ERCC2: variants seen among roughly 807,000 people sequenced by gnomAD.
ERCC2 encodes the protein ERCC excision repair 2, TFIIH core complex helicase subunit, also known as general transcription and DNA repair factor IIH helicase subunit XPD.
ERCC2 carries 90 observed loss-of-function variants against 99.4 expected under a neutral mutation model. That is an observed-to-expected ratio of 0.91 (90% CI 0.76 to 1.08). The LOEUF (loss-of-function observed/expected upper bound fraction) is 1.08, where lower values mean the gene tolerates loss of function less well. ERCC2 is among the 50% of genes least tolerant of loss of function. The probability of loss-of-function intolerance (pLI) is 0.00; values close to 1 mark genes in which losing one functional copy is unlikely to be tolerated. For synonymous variants in ERCC2, 497 were observed against 432.4 expected (o/e 1.15, Z -1.85); for missense variants, 993 against 1,038.1 (o/e 0.96, Z 0.60).
Position 45,364,335 on chromosome 19 carries a change from G to C in ERCC2, c.719-4C>G. ...ATGGAGTCGATGCAGACGTTGTCTG[G>C]AGAAGGGGGAGAGAGCCGGCTCAGG... On this transcript the variant is annotated splice_polypyrimidine_tract_variant and splice_region_variant and intron_variant, in intron 8 of 22. Coordinates refer to ENST00000391945, the MANE Select transcript of ERCC2 (RefSeq NM_000400.4). 3 of 1,613,982 alleles carry C rather than the reference G, an allele frequency of 1.9e-6. No homozygotes were observed. The highest frequency in any genetic ancestry group is 2.5e-6 in the Non-Finnish European group (3 of 1,180,000).
chr19:45,350,163 T>C lies in ERCC2; in HGVS notation c.*1466A>G, dbSNP rs926353079. On this transcript the variant is annotated 3_prime_UTR_variant, in exon 23 of 23. Coordinates refer to ENST00000391945, the MANE Select transcript of ERCC2 (RefSeq NM_000400.4). ...GGGGCCAGACGTGGTGGTTCACGCT[T>C]GTAACCCCAACACTTTGGGAGGCCA... 3 of 605,472 alleles carry C rather than the reference T, an allele frequency of 5.0e-6. No individual in the cohort carries two copies. Among genetic ancestry groups the C allele is most frequent in the Non-Finnish European group, 8.7e-6 (3 of 343,960 alleles). 37.5% of individuals were successfully genotyped at this position (605,472 alleles called of 1,614,324 possible). A position where few individuals can be genotyped will look rare whatever the true frequency, so the allele number is the denominator to read the frequency against.
chr19:45,353,456 T>G (rs1021790063), intron 17 of ERCC2, 122 bp from the exon 18 acceptor site: 2 of 717,114 alleles, frequency 2.8e-6, no homozygotes, highest in South Asian at 1.5e-5. Flanking sequence ...ATCTGAGATG[T>G]GGTGAGGGAG....
intron 11 of ERCC2, among the ~76,000 whole-genome samples, chr19:45,362,681 C>G (rs963360650): frequency 1.3e-5 from 2 of 152,246 alleles, no homozygotes; most frequent in African/African-American, 4.8e-5. Context: ...ACGGCTGTGT[C>G]CCCAGCATGA....
Position 45,350,694 on chromosome 19 carries a change from A to G in ERCC2, c.*935T>C, listed in dbSNP as rs1005305271. ...AGATCCGTGAGTCTATCAGGCGAGG[A>G]AGTGAGAAGCTGGTCTCCCGGCTCC... On this transcript the variant is annotated 3_prime_UTR_variant, in exon 23 of 23. Coordinates refer to ENST00000391945, the MANE Select transcript of ERCC2 (RefSeq NM_000400.4). 1 of 1,613,520 alleles carries G rather than the reference A, an allele frequency of 6.2e-7. No individual in the cohort carries two copies. Among genetic ancestry groups the G allele is most frequent in the African/African-American group, 1.3e-5 (1 of 74,892 alleles).
At position 45,352,198 on chromosome 19, in the gene ERCC2, G is replaced by A. The variant is rs374737560; in HGVS notation, c.2190+11C>T. ...CCTGGGAGGGTGCCGGGAGGGGGAC[G>A]CAGGCCTCACCCGGTGGAAGGGCTG... is the stretch of plus-strand genomic sequence containing the variant. On this transcript the variant is annotated intron_variant, in intron 22 of 22. Transcript: ENST00000391945. 88 of 1,613,014 alleles carry A rather than the reference G, an allele frequency of 5.5e-5. No individual in the cohort carries two copies. The highest frequency in any genetic ancestry group is 3.9e-4 in the African/African-American group (29 of 74,912).
In ERCC2 at chr19:45,357,349, T is replaced by C; in HGVS notation, c.1400A>G (p.Tyr467Cys). ...TSGTLSPLDI[Y>C]PKILDFHPVT... is the part of the protein sequence containing the mutation. Reference sequence around the variant, plus strand: ...GGGGTGGAAGTCCAGGATCTTGGGGTAGATGTCCAGCGGGGACAGTGTCTG... The same window carrying C: ...GGGGTGGAAGTCCAGGATCTTGGGGCAGATGTCCAGCGGGGACAGTGTCTG... Residue 467 changes from tyrosine (Y) to cysteine (C), a missense_variant, in exon 15 of 23, where the codon TAC becomes TGC. Physicochemically the swap from Tyr to Cys is radical, Grantham distance 194. Coordinates refer to ENST00000391945, the MANE Select transcript of ERCC2 (RefSeq NM_000400.4). 5 of 1,613,702 alleles carry C rather than the reference T, an allele frequency of 3.1e-6. No homozygotes were observed. Among genetic ancestry groups the C allele is most frequent in the Non-Finnish European group, 4.2e-6 (5 of 1,179,864 alleles).
In ERCC2 at chr19:45,351,503, T is replaced by G. The variant is rs541274511; in HGVS notation, c.*126A>C. 1.9e-6 allele frequency: 3 copies of G among 1,596,368 alleles called. No individual in the cohort carries two copies. Among genetic ancestry groups the G allele is most frequent in the East Asian group, 4.5e-5 (2 of 44,760 alleles). ...GCTGCCTTCTCCTGCGATTAAAGGC[T>G]GTGGACGTGACAGTGAGAAATGTCA... On this transcript the variant is annotated 3_prime_UTR_variant, in exon 23 of 23. Coordinates refer to ENST00000391945, the MANE Select transcript of ERCC2 (RefSeq NM_000400.4).
chr19:45,369,203 A>G, intron 2 of ERCC2, 56 bp from the exon 3 acceptor site: 1 of 1,461,882 alleles, frequency 6.8e-7, no homozygotes, highest in Non-Finnish European at 9.6e-7. Flanking sequence ...TTGGGCACAC[A>G]AACTCTGGGG....
intron 1 of ERCC2, 60 bp from the exon 2 acceptor site, chr19:45,370,292 G>C (rs1401866594): frequency 6.3e-7 from 1 of 1,589,776 alleles, no homozygotes; most frequent in Non-Finnish European, 8.6e-7. Context: ...CGCCTCCACA[G>C]TGCCCGGTCG....
rs757432268 is a variant in ERCC2 at position 45,355,718 on chromosome 19, C to G, written c.1490G>C (p.Arg497Pro). The change falls in exon 16 of 23, where the codon CGT becomes CCT. Residue 497 changes from arginine to proline, a missense_variant. Around this residue, in one of 3 missense-constraint regions of ERCC2, gnomAD observed 909 missense variants for 930.8 expected, o/e 0.98. Transcript: ENST00000391945. ...RVCLCPMIIGRGNDQVAISSK... is the reference protein window; with the variant it reads ...RVCLCPMIIGPGNDQVAISSK... ...GCTGATGGCCACCTGGTCATTGCCA[C>G]GGCCGATGATCTGGAGAGCAACAGA... is the stretch of plus-strand genomic sequence containing the variant. 4 of 1,614,024 alleles carry G rather than the reference C, an allele frequency of 2.5e-6. No homozygotes were observed. The highest frequency in any genetic ancestry group is 2.2e-5 in the East Asian group (1 of 44,872).
intron 15 of ERCC2, among the ~76,000 whole-genome samples, chr19:45,356,296 G>A (rs1555776450): frequency 6.6e-6 from 1 of 152,188 alleles, no homozygotes; most frequent in Non-Finnish European, 1.5e-5. Flanking sequence ...CAAAAGCTCT[G>A]AACACATTTC....
In ERCC2 at chr19:45,364,410, G is replaced by A. The variant is rs1473346538; in HGVS notation, c.718+14C>T. ...AGGGGCTGGCATCCCTTTGGCCCCT[G>A]GCGCCCCCCTCACCAATGTTGTGGG... On this transcript the variant is annotated intron_variant, in intron 8 of 22. Coordinates refer to ENST00000391945, the MANE Select transcript of ERCC2 (RefSeq NM_000400.4). 3.1e-6 allele frequency: 5 copies of A among 1,613,856 alleles called. No homozygotes were observed. The highest frequency in any genetic ancestry group is 4.2e-6 in the Non-Finnish European group (5 of 1,179,960).
chr19:45,352,102 G>A (rs995277582), intron 22 of ERCC2, 107 bp downstream of exon 22: 16 of 1,281,468 alleles, frequency 1.2e-5, no homozygotes, highest in African/African-American at 5.8e-5. Context: ...TTTGCTGAGG[G>A]CAGGAGGACA....
Position 45,364,416 on chromosome 19 carries a change from C to T in ERCC2, c.718+8G>A, listed in dbSNP as rs543196752. The stretch of plus-strand genomic sequence containing the variant: ...TGGCATCCCTTTGGCCCCTGGCGCC[C>T]CCCTCACCAATGTTGTGGGCCTCGT... On this transcript the variant is annotated splice_region_variant and intron_variant, in intron 8 of 22. Coordinates refer to ENST00000391945, the MANE Select transcript of ERCC2 (RefSeq NM_000400.4). The T allele has an allele frequency of 4.3e-6, 7 of 1,613,872 alleles. No individual in the cohort carries two copies. In the African/African-American group the frequency reaches 6.7e-5, roughly 15 times the overall value.
chr19:45,365,385 G>A (rs1018095438), intron 5 of ERCC2, among the ~76,000 whole-genome samples: 6 of 152,238 alleles, frequency 3.9e-5, no homozygotes, highest in Non-Finnish European at 7.3e-5. Context: ...GTGAGGCTGA[G>A]GTGGGCAGAT....
chr19:45,351,158 A>G lies in ERCC2; in HGVS notation c.*471T>C, dbSNP rs1236890326. 6.3e-7 allele frequency: 1 copy of G among 1,591,430 alleles called. No individual in the cohort carries two copies. The highest frequency in any genetic ancestry group is 1.3e-5 in the African/African-American group (1 of 74,404). ...GAAGAGACCCAGGACAGGAGCAAAGATGGGTTTTACTTGGGGTAGAGGCGA... is the reference window on the plus strand; with the variant it reads ...GAAGAGACCCAGGACAGGAGCAAAGGTGGGTTTTACTTGGGGTAGAGGCGA... On this transcript the variant is annotated 3_prime_UTR_variant, in exon 23 of 23. Transcript: ENST00000391945.
intron 11 of ERCC2, 86 bp from the exon 12 acceptor site, chr19:45,361,728 G>T (rs748649093): frequency 2.0e-6 from 2 of 1,018,976 alleles, no homozygotes; most frequent in Non-Finnish European, 3.1e-6. Context: ...CGACGGTCAC[G>T]TGCCTGTCTC....
rs764785858 is a variant in ERCC2 at position 45,350,300 on chromosome 19, A to T, written c.*1329T>A. On this transcript the variant is annotated 3_prime_UTR_variant, in exon 23 of 23. Transcript: ENST00000391945. ...GGCGGGACTGGATGCAGTGTTGGGAACTGGGGTCCGAAAAGTTCCCAGACA... is the reference window on the plus strand; with the variant it reads ...GGCGGGACTGGATGCAGTGTTGGGATCTGGGGTCCGAAAAGTTCCCAGACA... 1 of 1,516,742 alleles carries T rather than the reference A, an allele frequency of 6.6e-7. No individual in the cohort carries two copies. The highest frequency in any genetic ancestry group is 9.1e-7 in the Non-Finnish European group (1 of 1,098,562). 94.0% of individuals were successfully genotyped at this position (1,516,742 alleles called of 1,614,324 possible). A position where few individuals can be genotyped will look rare whatever the true frequency, so the allele number is the denominator to read the frequency against.
intron 7 of ERCC2, 40 bp from the exon 8 acceptor site, chr19:45,364,587 C>G (rs1206296534): frequency 2.5e-6 from 4 of 1,609,788 alleles, no homozygotes; most frequent in Non-Finnish European, 3.4e-6. Flanking sequence ...GCCCTGCCAC[C>G]CCAACCCCTA....
Sources: allele counts gnomAD v4.1 joint callset (sites outside exome capture counted in the v4.1 genomes callset), GRCh38; gene constraint gnomAD v4.1.1; regional missense constraint gnomAD v4.1.1; transcripts MANE v1.5; gene names NCBI Gene and HGNC (gene_info 2026-07-23, HGNC 2026-07-21).